Variants in MTOR observed in about 807,000 individuals in gnomAD.
MTOR encodes the protein mechanistic target of rapamycin kinase, also known as serine/threonine-protein kinase mTOR.
Under a neutral mutation model 319.8 loss-of-function variants are expected in MTOR, and 70 were observed. That is an observed-to-expected ratio of 0.22 (90% confidence interval 0.18 to 0.27). The LOEUF is 0.27. Ranked by LOEUF, MTOR falls within the 10% of genes least tolerant of loss-of-function variation. MTOR has a pLI of 1.00. For synonymous variants in MTOR, 1,183 were observed against 1,211.4 expected, an observed-to-expected ratio of 0.98 and a Z score of 0.49; for missense variants, 1,890 against 3,274.4, an observed-to-expected ratio of 0.58 and a Z score of 10.32.
At chr1:11,150,285 C>A (rs1644095005) in intron 30 of MTOR, 59 bp from the exon 31 acceptor site, 2 of 1,451,196 alleles carry the variant, frequency 1.4e-6, no homozygotes, top group Non-Finnish European at 1.9e-6. Flanking sequence ...TACCAATCTT[C>A]CTCTCCTGCC....
In MTOR at chr1:11,190,175, A is replaced by G. The variant is rs566002043; in HGVS notation, c.4253+9083T>C. ...TATCCACACAGTGTTTCAGCCTACC[A>G]TCTTGGAGTGCTGAGATACTACATG... On this transcript the variant is annotated intron_variant, in intron 28 of 57. Transcript: ENST00000361445. Among the ~76,000 whole-genome samples, 16 of 152,314 alleles carry G rather than the reference A, an allele frequency of 1.1e-4. 1 individual carries two copies. The South Asian group carries it at 3.3e-3, about 32-fold the overall frequency.
chr1:11,128,237 G>T lies in MTOR; in HGVS notation c.5911-111C>A. 1 of 1,454,198 alleles carries T rather than the reference G, an allele frequency of 6.9e-7. No individual in the cohort carries two copies. The highest frequency in any genetic ancestry group is 9.4e-7 in the Non-Finnish European group (1 of 1,064,742). The allele number at this position is 1,454,198 out of a possible 1,614,324, so 90.1% of individuals were successfully genotyped here. A position where few individuals can be genotyped will look rare whatever the true frequency, so the allele number is the denominator to read the frequency against. On this transcript the variant is annotated intron_variant, in intron 42 of 57. Coordinates refer to ENST00000361445, the MANE Select transcript of MTOR (RefSeq NM_004958.4). The surrounding 1 kb of genome is among the most constrained non-coding windows in gnomAD (Gnocchi z 5.3). The stretch of plus-strand genomic sequence containing the variant: ...AGTGGTGAGTGTGACATTAACATCT[G>T]CTTGAGACTACCAGGAAGGGGCTCA...
rs374932894 is a variant in MTOR at position 11,219,235 on chromosome 1, G to A, written c.3031-3001C>T. 3.2e-4 allele frequency among the ~76,000 whole-genome samples: 49 copies of A among 151,060 alleles called. No individual in the cohort carries two copies. The South Asian group carries it at 8.2e-3, about 25-fold the overall frequency. Reference sequence around the variant, plus strand: ...TTTCAAAAAAAAAAAAAGAACTAAAGCCTCTCACATAAAGCCAGACTTTCA... The same window carrying A: ...TTTCAAAAAAAAAAAAAGAACTAAAACCTCTCACATAAAGCCAGACTTTCA... On this transcript the variant is annotated intron_variant, in intron 19 of 57. Transcript: ENST00000361445.
At position 11,199,030 on chromosome 1, in the gene MTOR, A is replaced by G. The variant is rs1645878196; in HGVS notation, c.4253+228T>C. Among the ~76,000 whole-genome samples, 1 of 152,216 alleles carries G rather than the reference A, an allele frequency of 6.6e-6. No homozygotes were observed. The highest frequency in any genetic ancestry group is 6.5e-5 in the Admixed American group (1 of 15,286). Reference sequence around the variant, plus strand: ...ACTGGAACAAGAAAGGACAGGTTGGAAAACAACAGGAGCCCAGGTGATAAG... The same window carrying G: ...ACTGGAACAAGAAAGGACAGGTTGGGAAACAACAGGAGCCCAGGTGATAAG... On this transcript the variant is annotated intron_variant, in intron 28 of 57. Transcript: ENST00000361445. This position sits in a 1 kb window ranked among gnomAD's most constrained non-coding sequence, Gnocchi z 4.5.
At chr1:11,139,976 C>A (rs1199114245) in intron 34 of MTOR, among the ~76,000 whole-genome samples, 1 of 152,070 alleles carries the variant, frequency 6.6e-6, no homozygotes, top group African/African-American at 2.4e-5. Context: ...AGGCGTGAGC[C>A]AGCACGCCCG....
intron 28 of MTOR, among the ~76,000 whole-genome samples, chr1:11,172,830 C>T (rs1185184892): frequency 6.8e-6 from 1 of 147,914 alleles, no homozygotes; most frequent in East Asian, 2.0e-4. Flanking sequence ...CCACTGCACT[C>T]CAGCCTGAGC....
At chr1:11,238,688 G>A in intron 11 of MTOR, 71 bp from the exon 12 acceptor site, 2 of 1,383,542 alleles carry the variant, frequency 1.4e-6, no homozygotes, top group Non-Finnish European at 2.0e-6. Context: ...CAGCTTGCTA[G>A]CTGAATTTTC....
chr1:11,255,090 A>T (rs1650188810), intron 5 of MTOR, among the ~76,000 whole-genome samples: 1 of 152,132 alleles, frequency 6.6e-6, no homozygotes, highest in African/African-American at 2.4e-5. Context: ...TAATAAGAAG[A>T]AGGTACAAAG....
At chr1:11,130,910 A>G in intron 38 of MTOR, 133 bp from the exon 39 acceptor site, 1 of 1,183,288 alleles carries the variant, frequency 8.5e-7, no homozygotes, top group Non-Finnish European at 1.2e-6. Context: ...CACTTCAAGG[A>G]GACACTCAGA....
At chr1:11,202,870 T>C (rs1167042238) in intron 26 of MTOR, among the ~76,000 whole-genome samples, 1 of 152,036 alleles carries the variant, frequency 6.6e-6, no homozygotes, top group Non-Finnish European at 1.5e-5. Flanking sequence ...ATCGTCCCAC[T>C]GCACTCCAGC....
Position 11,243,056 on chromosome 1 carries a change from G to A in MTOR, c.1412+58C>T, listed in dbSNP as rs1648293450. On this transcript the variant is annotated intron_variant, in intron 9 of 57. Transcript: ENST00000361445. ...GTAAGCTCCGTGGATCTGAAATAGAGCGTCCTTCCTCTCCAACCAAATGGA... is the reference window on the plus strand; with the variant it reads ...GTAAGCTCCGTGGATCTGAAATAGAACGTCCTTCCTCTCCAACCAAATGGA... The A allele has an allele frequency of 3.1e-6, 5 of 1,590,358 alleles. No homozygotes were observed. In the East Asian group the frequency reaches 1.1e-4, roughly 36 times the overall value.
chr1:11,190,552 A>G (rs1328548946), intron 28 of MTOR, among the ~76,000 whole-genome samples: 1 of 152,076 alleles, frequency 6.6e-6, no homozygotes, highest in Non-Finnish European at 1.5e-5. Flanking sequence ...TGATACGTCT[A>G]TTTTTTTCCA....
At chr1:11,210,452 T>C (rs898156650) in intron 24 of MTOR, among the ~76,000 whole-genome samples, 6 of 152,196 alleles carry the variant, frequency 3.9e-5, no homozygotes, top group African/African-American at 9.7e-5. Flanking sequence ...TGTTTTTATA[T>C]AGCCCAAGAG....
At chr1:11,235,799 T>C (rs1204257762) in intron 13 of MTOR, among the ~76,000 whole-genome samples, 1 of 151,966 alleles carries the variant, frequency 6.6e-6, no homozygotes, top group African/African-American at 2.4e-5. Context: ...CTGGCCAACA[T>C]GGAGAAACTC....
intron 1 of MTOR, among the ~76,000 whole-genome samples, chr1:11,261,063 A>C (rs934945069): frequency 3.3e-5 from 5 of 151,750 alleles, no homozygotes; most frequent in Non-Finnish European, 5.9e-5. Context: ...AAGTGCTGGG[A>C]TTACAGGTGT....
At chr1:11,114,183 A>C (rs1320771340) in intron 53 of MTOR, 135 bp downstream of exon 53, 1 of 1,018,892 alleles carries the variant, frequency 9.8e-7, no homozygotes, top group Non-Finnish European at 1.4e-6. Flanking sequence ...TTTTGCAGAA[A>C]GGGGTCTTAC....
chr1:11,122,555 T>C (rs1642594836), intron 47 of MTOR, among the ~76,000 whole-genome samples: 1 of 147,668 alleles, frequency 6.8e-6, no homozygotes, highest in Non-Finnish European at 1.5e-5. Flanking sequence ...TTGCCCAGGC[T>C]GGAATGCAGT....
At chr1:11,194,921 C>A (rs1454314735) in intron 28 of MTOR, 2 of 1,614,064 alleles carry the variant, frequency 1.2e-6, no homozygotes, top group East Asian at 2.2e-5. Context: ...TGGGTGAGCA[C>A]AATAAGCACC....
chr1:11,161,685 G>C (rs1007894598), intron 29 of MTOR, among the ~76,000 whole-genome samples: 33 of 152,128 alleles, frequency 2.2e-4, no homozygotes, highest in Admixed American at 1.8e-3. Context: ...GTCTGGAGTG[G>C]ACCTCCAGCA....
Sources: gnomAD v4.1 joint callset for allele counts (sites outside exome capture counted in the v4.1 genomes callset) on GRCh38, gnomAD v4.1.1 for gene constraint, Gnocchi (gnomAD v3.1) non-coding constraint, MANE v1.5 for transcripts, NCBI Gene and HGNC (gene_info 2026-07-23, HGNC 2026-07-21) for gene names.